CACNA1C: variants seen among roughly 807,000 people sequenced by gnomAD.
CACNA1C encodes the protein calcium voltage-gated channel subunit alpha1 C, also known as voltage-dependent L-type calcium channel subunit alpha-1C.
A neutral mutation model predicts 229.0 loss-of-function variants in CACNA1C; 30 were observed. The observed-to-expected ratio is 0.13, with a 90% CI of 0.10 to 0.18. The LOEUF is 0.18. Ranked by LOEUF, CACNA1C falls within the 10% of genes least tolerant of loss-of-function variation. The pLI, the probability that CACNA1C is intolerant of heterozygous loss-of-function variation, is 1.00. For missense variants in CACNA1C, 1,658 were observed against 2,845.0 expected (o/e 0.58, Z 9.49); for synonymous variants, 1,114 against 1,132.5 (o/e 0.98, Z 0.33).
At chr12:2,618,298 C>G (rs1194682459) in intron 29 of CACNA1C, among the ~76,000 whole-genome samples, 1 of 152,238 alleles carries the variant, frequency 6.6e-6, no homozygotes, top group Non-Finnish European at 1.5e-5. Context: ...GGCCAGGCCT[C>G]TTTCCCACCC....
At chr12:2,150,107 G>C (rs1046992706) in intron 3 of CACNA1C, among the ~76,000 whole-genome samples, 1 of 152,312 alleles carries the variant, frequency 6.6e-6, no homozygotes, top group East Asian at 1.9e-4. Context: ...GCTCCCAGAG[G>C]GGCTGGCTGG....
chr12:2,245,818 C>G (rs566239167), intron 3 of CACNA1C, among the ~76,000 whole-genome samples: 1 of 152,168 alleles, frequency 6.6e-6, no homozygotes, highest in African/African-American at 2.4e-5. Context: ...TGCAGAAATA[C>G]GTTGGCTTCT....
At chr12:2,158,565 C>T (rs1414012008) in intron 3 of CACNA1C, among the ~76,000 whole-genome samples, 1 of 152,076 alleles carries the variant, frequency 6.6e-6, no homozygotes. Flanking sequence ...AAATGTATTA[C>T]AAAAGGTCAG....
At chr12:2,107,151 TG>T (rs570899952) in intron 1 of CACNA1C, among the ~76,000 whole-genome samples, 97 of 137,996 alleles carry the variant, frequency 7.0e-4, no homozygotes, top group Admixed American at 8.5e-4. Context: ...CCACCTCAGC[TG>T]GGGTGTCCTG....
Position 2,651,660 on chromosome 12 carries a change from C to T in CACNA1C, c.3966C>T (p.Arg1322=), listed in dbSNP as rs1450837378. ...SPSMNAEENS[R]ISITFFRLFR... ...TCCAGAACGCAGAGGAAAACTCCCG[C>T]ATCTCCATCACCTTCTTCCGCCTGT... Residue 1322 remains arginine (R), a synonymous_variant, in exon 32 of 47, where the codon CGC becomes CGT. Transcript: ENST00000399655. The surrounding 1 kb of genome is among the most constrained non-coding windows in gnomAD (Gnocchi z 5.4). The T allele has an allele frequency of 1.2e-6, 2 of 1,613,950 alleles. No individual in the cohort carries two copies. The highest frequency in any genetic ancestry group is 1.7e-6 in the Non-Finnish European group (2 of 1,179,850).
intron 3 of CACNA1C, among the ~76,000 whole-genome samples, chr12:2,355,200 A>G (rs1304814868): frequency 6.6e-6 from 1 of 152,202 alleles, no homozygotes; most frequent in Non-Finnish European, 1.5e-5. Flanking sequence ...TTCACTTAAG[A>G]CCAAGAGTGG....
chr12:2,052,581 C>T (rs544910140), upstream of CACNA1C, among the ~76,000 whole-genome samples: 2,403 of 144,844 alleles, frequency 0.017, 59 homozygotes, highest in African/African-American at 0.056. Flanking sequence ...GGCGCGACGC[C>T]GCCGGCGGGG....
At chr12:2,264,788 G>GC (rs1188184620) in intron 3 of CACNA1C, among the ~76,000 whole-genome samples, 2 of 152,238 alleles carry the variant, frequency 1.3e-5, no homozygotes, top group East Asian at 3.9e-4. Flanking sequence ...AAAATTGATG[G>GC]CCCCCCTTTG....
intron 3 of CACNA1C, among the ~76,000 whole-genome samples, chr12:2,414,113 G>A (rs183114651): frequency 6.4e-5 from 9 of 140,384 alleles, no homozygotes; most frequent in East Asian, 4.1e-4. Context: ...CGTGGGACCC[G>A]GGATAAGTGG....
chr12:2,685,608 C>T (rs2097414171), intron 43 of CACNA1C, 128 bp from the exon 44 acceptor site: 1 of 696,348 alleles, frequency 1.4e-6, no homozygotes, highest in African/African-American at 1.8e-5. Context: ...CCCAAACCTG[C>T]ATGTAAGCAC....
At chr12:2,564,464 G>A (rs1466387350) in intron 11 of CACNA1C, among the ~76,000 whole-genome samples, 2 of 152,160 alleles carry the variant, frequency 1.3e-5, no homozygotes, top group Non-Finnish European at 2.9e-5. Flanking sequence ...ATTCTACTTT[G>A]TTTCTCCTCC....
rs528430074 is a variant in CACNA1C, at chr12:2,371,509, G to A, written c.478-77467G>A. On this transcript the variant is annotated intron_variant, in intron 3 of 46. Coordinates refer to ENST00000399655, the MANE Select transcript of CACNA1C (RefSeq NM_000719.7). Reference sequence around the variant, plus strand: ...CCCCACCTCCATAGTTTCTGATTCCGCAGGTCTCAGGTGAGGACCTGAGAA... The same window carrying A: ...CCCCACCTCCATAGTTTCTGATTCCACAGGTCTCAGGTGAGGACCTGAGAA... Among the ~76,000 whole-genome samples the A allele has an allele frequency of 4.1e-4, 62 of 152,230 alleles. No homozygotes were observed. The South Asian group carries it at 4.6e-3, about 11-fold the overall frequency.
chr12:2,397,985 C>T (rs1197029974), intron 3 of CACNA1C, among the ~76,000 whole-genome samples: 1 of 152,242 alleles, frequency 6.6e-6, no homozygotes, highest in Non-Finnish European at 1.5e-5. Flanking sequence ...CCCTGCCTAG[C>T]CCCTGGGCCT....
chr12:2,642,910 G>A (rs1252778705), intron 30 of CACNA1C, among the ~76,000 whole-genome samples: 2 of 152,232 alleles, frequency 1.3e-5, no homozygotes, highest in Non-Finnish European at 2.9e-5. Flanking sequence ...ATAACACCTT[G>A]GGAGCCATCA....
chr12:2,176,768 C>T (rs1242600272), intron 3 of CACNA1C, among the ~76,000 whole-genome samples: 1 of 152,176 alleles, frequency 6.6e-6, no homozygotes, highest in Non-Finnish European at 1.5e-5. Flanking sequence ...GTCCATCACC[C>T]CAGAGAACTG....
rs2097809877 is a variant in CACNA1C, at chr12:2,208,201, A to AACGT, written c.477+87773_477+87776dup. Among the ~76,000 whole-genome samples, 3 of 152,328 alleles carry AACGT rather than the reference A, an allele frequency of 2.0e-5. No homozygotes were observed. The South Asian group carries it at 6.2e-4, about 32-fold the overall frequency. On this transcript the variant is annotated intron_variant, in intron 3 of 46. Coordinates refer to ENST00000399655, the MANE Select transcript of CACNA1C (RefSeq NM_000719.7). ...TAAAGTGATAAGCAAGGAAGCGGAA[A>AACGT]ACGTAGCATGATGCCCAGCCTGAAC...
At chr12:2,056,549 G>C (rs1185062424) in intron 1 of CACNA1C, among the ~76,000 whole-genome samples, 1 of 152,216 alleles carries the variant, frequency 6.6e-6, no homozygotes, top group Non-Finnish European at 1.5e-5. Context: ...AAGACACACT[G>C]TGCTTTTCTT....
intron 1 of CACNA1C, among the ~76,000 whole-genome samples, chr12:2,019,416 C>T (rs186518052): frequency 6.4e-4 from 95 of 148,996 alleles, no homozygotes; most frequent in East Asian, 2.6e-3. Flanking sequence ...GCAATGATTA[C>T]GCCACTGCAC....
intron 3 of CACNA1C, among the ~76,000 whole-genome samples, chr12:2,290,023 C>G (rs2093301373): frequency 6.6e-6 from 1 of 152,222 alleles, no homozygotes; most frequent in Non-Finnish European, 1.5e-5. Flanking sequence ...GGGTGGAATT[C>G]TGCTTTTCTG....
Sources: gnomAD v4.1 joint callset for allele counts (sites outside exome capture counted in the v4.1 genomes callset) on GRCh38, gnomAD v4.1.1 for gene constraint, Gnocchi (gnomAD v3.1) non-coding constraint, MANE v1.5 for transcripts, NCBI Gene and HGNC (gene_info 2026-07-23, HGNC 2026-07-21) for gene names.